SRGAP1: variants seen among roughly 807,000 people sequenced by gnomAD.
SRGAP1 encodes the protein SLIT-ROBO Rho GTPase-activating protein 1.
SRGAP1 carries 43 observed loss-of-function variants against 121.9 expected under a neutral mutation model. That is an observed-to-expected ratio of 0.35 (90% CI 0.28 to 0.46). The LOEUF is 0.46. Ranked by LOEUF, SRGAP1 falls within the 20% of genes least tolerant of loss-of-function variation. The pLI is 1.00. For missense variants in SRGAP1, 1,102 were observed against 1,350.9 expected, an observed-to-expected ratio of 0.82 and a Z score of 2.89; for synonymous variants, 447 against 485.4, an observed-to-expected ratio of 0.92 and a Z score of 1.04.
intron 1 of SRGAP1, among the ~76,000 whole-genome samples, chr12:63,905,058 A>G (rs1158009627): frequency 6.6e-6 from 1 of 152,212 alleles, no homozygotes; most frequent in Admixed American, 6.5e-5. Flanking sequence ...AGGAAAATTT[A>G]TGTATCAGTA....
chr12:64,142,356 C>T lies in SRGAP1; in HGVS notation c.2942C>T (p.Thr981Ile), dbSNP rs1384086510. The part of the protein sequence containing the change: ...NELRELERQS[T>I]AKHAPDVVLD... ...CTCCGAGAACTGGAGAGACAGAGCA[C>T]AGCAAAGCATGCCCCTGATGTGGTG... Residue 981 changes from threonine (T) to isoleucine (I), a missense_variant, in exon 22 of 22, where the codon ACA (threonine) becomes ATA (isoleucine). Thr to Ile is a moderately conservative substitution (Grantham distance 89). Coordinates refer to ENST00000355086, the MANE Select transcript of SRGAP1 (RefSeq NM_020762.4). 2 of 1,614,140 alleles carry T rather than the reference C, an allele frequency of 1.2e-6. No individual in the cohort carries two copies. Among genetic ancestry groups the T allele is most frequent in the East Asian group, 2.2e-5 (1 of 44,870 alleles).
At chr12:64,095,276 C>T (rs2136590723) in intron 14 of SRGAP1, 72 bp downstream of exon 14, 1 of 1,357,990 alleles carries the variant, frequency 7.4e-7, no homozygotes, top group Non-Finnish European at 1.0e-6. Flanking sequence ...GAAGTGGCAC[C>T]CTTATTCTGT....
At chr12:64,094,268 A>G (rs115764312) in intron 12 of SRGAP1, among the ~76,000 whole-genome samples, 1 of 152,140 alleles carries the variant, frequency 6.6e-6, no homozygotes, top group East Asian at 1.9e-4. Flanking sequence ...ACATTTGTTC[A>G]GTAGAAGGCA....
chr12:64,007,472 C>T (rs1054689689), intron 3 of SRGAP1, among the ~76,000 whole-genome samples: 2 of 152,194 alleles, frequency 1.3e-5, no homozygotes, highest in South Asian at 2.1e-4. Flanking sequence ...GCTCACCCAC[C>T]GCTCAGCCAC....
intron 18 of SRGAP1, among the ~76,000 whole-genome samples, chr12:64,123,721 C>G (rs2036642283): frequency 6.6e-6 from 1 of 151,638 alleles, no homozygotes. Flanking sequence ...GTTGTTCAGA[C>G]TGGTCTCCAA....
intron 4 of SRGAP1, among the ~76,000 whole-genome samples, chr12:64,022,463 A>G (rs990022283): frequency 3.9e-5 from 6 of 152,206 alleles, no homozygotes; most frequent in South Asian, 2.1e-4. Flanking sequence ...AGACCCACCT[A>G]TATTGGAGAG....
chr12:63,936,966 G>C (rs576816017), intron 1 of SRGAP1, among the ~76,000 whole-genome samples: 1 of 152,290 alleles, frequency 6.6e-6, no homozygotes, highest in South Asian at 2.1e-4. Flanking sequence ...TCAAATGAGA[G>C]AGCGCCATAT....
chr12:63,870,152 G>A (rs79448758), intron 1 of SRGAP1, among the ~76,000 whole-genome samples: 3,333 of 152,176 alleles, frequency 0.022, 123 homozygotes, highest in African/African-American at 0.076. Context: ...AGTTTATAAG[G>A]TCAGATAAAA....
Position 64,111,861 on chromosome 12 carries a change from G to A in SRGAP1, c.2019G>A (p.Val673=). Residue 673 remains valine (V), a synonymous_variant, in exon 17 of 22, where the codon GTG becomes GTA. Coordinates refer to ENST00000355086, the MANE Select transcript of SRGAP1 (RefSeq NM_020762.4). ...LMPVPEIQDQ[V]SCQAHVNEII... is the part of the protein sequence containing the mutation. The stretch of plus-strand genomic sequence containing the variant: ...CTGTCCCAGAAATACAGGATCAAGT[G>A]TCTTGCCAGGCACATGTGAATGAAA... 6.2e-7 allele frequency: 1 copy of A among 1,614,030 alleles called. No individual in the cohort carries two copies. The highest frequency in any genetic ancestry group is 1.1e-5 in the South Asian group (1 of 91,076).
chr12:64,148,597 TTAAATA>T lies in SRGAP1; in HGVS notation c.*5930_*5935del, dbSNP rs2037086035. On this transcript the variant is annotated 3_prime_UTR_variant, in exon 22 of 22. Coordinates refer to ENST00000355086, the MANE Select transcript of SRGAP1 (RefSeq NM_020762.4). ...ATTGCATCTGGCCAGGTATTTTTCT[TTAAATA>T]TAAAAAAAAGATAACTTGAGGTCTA... The T allele has an allele frequency of 6.6e-6, 1 of 152,110 alleles. No homozygotes were observed. The highest frequency in any genetic ancestry group is 1.5e-5 in the Non-Finnish European group (1 of 68,014). The allele number at this position is 152,110 out of a possible 1,614,324, so 9.4% of individuals were successfully genotyped here.
intron 11 of SRGAP1, among the ~76,000 whole-genome samples, chr12:64,087,608 C>T (rs545233490): frequency 7.0e-4 from 107 of 151,944 alleles, no homozygotes; most frequent in African/African-American, 2.4e-3. Flanking sequence ...TGGTGGTGTG[C>T]GCCTGTAATC....
intron 1 of SRGAP1, among the ~76,000 whole-genome samples, chr12:63,910,156 A>G (rs957979184): frequency 9.9e-5 from 15 of 152,238 alleles, no homozygotes; most frequent in African/African-American, 3.1e-4. Context: ...GCAATGCTAC[A>G]TAATCAATTG....
Position 64,133,719 on chromosome 12 carries a change from T to A in SRGAP1, c.2880+5519T>A, listed in dbSNP as rs374056152. Among the ~76,000 whole-genome samples the A allele has an allele frequency of 5.3e-5, 8 of 152,262 alleles. No individual in the cohort carries two copies. In the East Asian group the frequency reaches 1.2e-3, roughly 22 times the overall value. ...TTCTGGGTCTGTAAACTGGGTCAAGTCTGGAAATTGATTGAGGGGCCATGA... is the reference window on the plus strand; with the variant it reads ...TTCTGGGTCTGTAAACTGGGTCAAGACTGGAAATTGATTGAGGGGCCATGA... On this transcript the variant is annotated intron_variant, in intron 21 of 21. Coordinates refer to ENST00000355086, the MANE Select transcript of SRGAP1 (RefSeq NM_020762.4).
At chr12:64,010,744 A>G (rs536387807) in intron 3 of SRGAP1, among the ~76,000 whole-genome samples, 1 of 152,186 alleles carries the variant, frequency 6.6e-6, no homozygotes, top group South Asian at 2.1e-4. Context: ...CCATCTCAAT[A>G]AAACCCTGTG....
chr12:64,029,191 G>T (rs144819193), intron 4 of SRGAP1, among the ~76,000 whole-genome samples: 1 of 152,158 alleles, frequency 6.6e-6, no homozygotes, highest in Non-Finnish European at 1.5e-5. Flanking sequence ...GAGGAGCTAT[G>T]ACTTTAAGGT....
At chr12:63,867,666 C>T (rs60601403) in intron 1 of SRGAP1, among the ~76,000 whole-genome samples, 5 of 152,086 alleles carry the variant, frequency 3.3e-5, no homozygotes, top group African/African-American at 9.6e-5. Flanking sequence ...GAGCTTAACA[C>T]GTTTTTTTGT....
chr12:63,924,003 T>G (rs1380698065), intron 1 of SRGAP1, among the ~76,000 whole-genome samples: 1 of 152,024 alleles, frequency 6.6e-6, no homozygotes, highest in Non-Finnish European at 1.5e-5. Flanking sequence ...TAGCCAGGTG[T>G]GGTGGCGGGT....
chr12:64,014,758 TTTGTTGTTG>T (rs56666934), intron 3 of SRGAP1, among the ~76,000 whole-genome samples: 10 of 151,478 alleles, frequency 6.6e-5, no homozygotes, highest in African/African-American at 2.4e-4. Flanking sequence ...CATAAGGGAA[TTTGTTGTTG>T]TTGTTGTTGT....
chr12:63,975,030 A>T (rs970771909), intron 1 of SRGAP1, among the ~76,000 whole-genome samples: 7 of 152,144 alleles, frequency 4.6e-5, no homozygotes, highest in Non-Finnish European at 1.5e-5. Context: ...TCATATCTAG[A>T]ACTTGTATTT....
Sources: allele counts gnomAD v4.1 joint callset (sites outside exome capture counted in the v4.1 genomes callset), GRCh38; gene constraint gnomAD v4.1.1; transcripts MANE v1.5; gene names NCBI Gene and HGNC (gene_info 2026-07-23, HGNC 2026-07-21).